GPC5: variants seen among roughly 807,000 people sequenced by gnomAD.
GPC5 encodes the protein glypican 5.
In GPC5, 47 loss-of-function variants were observed where a neutral mutation model predicts 53.9. The observed-to-expected ratio is 0.87, with a 90% confidence interval of 0.69 to 1.11. GPC5 has a LOEUF of 1.11. GPC5 is among the 50% of genes most tolerant of loss of function. The probability of loss-of-function intolerance (pLI) is 0.00; values close to 1 mark genes in which losing one functional copy is unlikely to be tolerated. For synonymous variants in GPC5, 286 were observed against 263.3 expected (o/e 1.09, Z -0.84); for missense variants, 748 against 713.1 (o/e 1.05, Z -0.56).
chr13:92,797,801 TAA>T (rs1876739518), intron 7 of GPC5, among the ~76,000 whole-genome samples: 2 of 149,308 alleles, frequency 1.3e-5, no homozygotes, highest in Non-Finnish European at 3.0e-5. Flanking sequence ...AATAGATAGA[TAA>T]AAGATATTCA....
At chr13:92,205,724 A>G (rs1170091299) in intron 7 of GPC5, among the ~76,000 whole-genome samples, 3 of 152,106 alleles carry the variant, frequency 2.0e-5, no homozygotes, top group Non-Finnish European at 4.4e-5. Context: ...CGTTTGGAGG[A>G]GCCATTTGGA....
chr13:91,456,852 A>G (rs1418619212), intron 2 of GPC5, among the ~76,000 whole-genome samples: 4 of 148,464 alleles, frequency 2.7e-5, no homozygotes, highest in Admixed American at 6.7e-5. Flanking sequence ...TTTTTTGCCA[A>G]TGGTATCAAC....
chr13:92,485,264 G>T (rs372632813), intron 7 of GPC5, among the ~76,000 whole-genome samples: 1 of 152,060 alleles, frequency 6.6e-6, no homozygotes, highest in Non-Finnish European at 1.5e-5. Flanking sequence ...AACCTTGATG[G>T]TATTATAGGA....
chr13:92,099,801 G>T (rs1256142890), intron 6 of GPC5, among the ~76,000 whole-genome samples: 1 of 152,148 alleles, frequency 6.6e-6, no homozygotes, highest in Non-Finnish European at 1.5e-5. Context: ...CCCATGACTT[G>T]TTTGTAGCTA....
At chr13:91,491,119 G>T (rs562216488) in intron 2 of GPC5, among the ~76,000 whole-genome samples, 2 of 152,216 alleles carry the variant, frequency 1.3e-5, no homozygotes, top group East Asian at 3.9e-4. Flanking sequence ...ATTAGTTATA[G>T]CTTACCATGA....
At chr13:92,638,038 A>G (rs1012501150) in intron 7 of GPC5, among the ~76,000 whole-genome samples, 1 of 152,210 alleles carries the variant, frequency 6.6e-6, no homozygotes, top group African/African-American at 2.4e-5. Flanking sequence ...GTTTAACAAT[A>G]GAAAGCAACT....
chr13:91,775,499 CT>C (rs2037696922), intron 5 of GPC5, among the ~76,000 whole-genome samples: 1 of 152,182 alleles, frequency 6.6e-6, no homozygotes, highest in Non-Finnish European at 1.5e-5. Flanking sequence ...AATCCCTTCA[CT>C]GTGCATTTTA....
chr13:92,348,209 G>T (rs890531226), intron 7 of GPC5, among the ~76,000 whole-genome samples: 2 of 151,144 alleles, frequency 1.3e-5, no homozygotes, highest in Non-Finnish European at 3.0e-5. Flanking sequence ...CCAACTATTT[G>T]CTGGCTGTAA....
chr13:92,604,536 C>A (rs765744626), intron 7 of GPC5, among the ~76,000 whole-genome samples: 4 of 152,148 alleles, frequency 2.6e-5, no homozygotes, highest in Non-Finnish European at 2.9e-5. Flanking sequence ...TTAAAAGTGG[C>A]AGATTAAACA....
At chr13:91,468,998 C>T (rs1882430229) in intron 2 of GPC5, among the ~76,000 whole-genome samples, 1 of 151,944 alleles carries the variant, frequency 6.6e-6, no homozygotes, top group Admixed American at 6.6e-5. Flanking sequence ...CCACCTCAGC[C>T]TCCTGAGTAG....
In GPC5 at chr13:92,018,896, C is replaced by A. The variant is rs536553027; in HGVS notation, c.1401+110839C>A. On this transcript the variant is annotated intron_variant, in intron 6 of 7. Coordinates refer to ENST00000377067, the MANE Select transcript of GPC5 (RefSeq NM_004466.6). ...AACACAAAAACTAAAGGATGCAGAGCAAACTTTGATGCTTAAACTTAAAAT... is the reference window on the plus strand; with the variant it reads ...AACACAAAAACTAAAGGATGCAGAGAAAACTTTGATGCTTAAACTTAAAAT... Among the ~76,000 whole-genome samples the A allele has an allele frequency of 1.6e-4, 25 of 152,024 alleles. No homozygotes were observed. The East Asian group carries it at 4.4e-3, about 27-fold the overall frequency.
chr13:92,202,759 C>T (rs542076776), intron 7 of GPC5, among the ~76,000 whole-genome samples: 105 of 152,236 alleles, frequency 6.9e-4, no homozygotes, highest in African/African-American at 2.5e-3. Context: ...ATAATCCTTT[C>T]CCCATCTTTA....
At chr13:92,319,895 T>G (rs2043204865) in intron 7 of GPC5, among the ~76,000 whole-genome samples, 1 of 152,156 alleles carries the variant, frequency 6.6e-6, no homozygotes, top group African/African-American at 2.4e-5. Context: ...CTCTAGAGCA[T>G]GAAACAATAT....
chr13:92,339,198 A>G (rs2043346509), intron 7 of GPC5, among the ~76,000 whole-genome samples: 1 of 151,254 alleles, frequency 6.6e-6, no homozygotes, highest in Non-Finnish European at 1.5e-5. Flanking sequence ...TATATACAAT[A>G]TATACATTAT....
intron 7 of GPC5, among the ~76,000 whole-genome samples, chr13:92,166,987 CACACACACAT>C (rs1373698938): frequency 1.6e-4 from 22 of 138,750 alleles, no homozygotes; most frequent in African/African-American, 5.5e-4. Context: ...CACACACACA[CACACACACAT>C]ATACACACGC....
intron 7 of GPC5, among the ~76,000 whole-genome samples, chr13:92,813,411 C>T (rs1030132939): frequency 6.6e-6 from 1 of 151,900 alleles, no homozygotes; most frequent in African/African-American, 2.4e-5. Flanking sequence ...TATTCTTAAA[C>T]CTCATTGCTT....
chr13:91,978,858 T>A (rs988929783), intron 6 of GPC5, among the ~76,000 whole-genome samples: 2 of 152,192 alleles, frequency 1.3e-5, no homozygotes, highest in African/African-American at 4.8e-5. Flanking sequence ...TGATAATGGC[T>A]TGGAATAAGA....
chr13:92,187,348 G>T (rs955474227), intron 7 of GPC5, among the ~76,000 whole-genome samples: 1 of 152,086 alleles, frequency 6.6e-6, no homozygotes, highest in Non-Finnish European at 1.5e-5. Context: ...AATTGTTAAG[G>T]CATGTTGACT....
chr13:91,835,179 C>A (rs184559363), intron 5 of GPC5, among the ~76,000 whole-genome samples: 1 of 152,164 alleles, frequency 6.6e-6, no homozygotes, highest in East Asian at 1.9e-4. Context: ...ATCAAAACCA[C>A]AATGAGAAAC....
Sources: allele counts gnomAD v4.1 joint callset (sites outside exome capture counted in the v4.1 genomes callset), GRCh38; gene constraint gnomAD v4.1.1; transcripts MANE v1.5; gene names NCBI Gene and HGNC (gene_info 2026-07-23, HGNC 2026-07-21).